CCDC146: variants seen among roughly 807,000 people sequenced by gnomAD.
CCDC146 encodes the protein coiled-coil domain-containing protein 146.
In CCDC146, 92 loss-of-function variants were observed where a neutral mutation model predicts 119.3. That is an observed-to-expected ratio of 0.77 (90% CI 0.65 to 0.92). The LOEUF (loss-of-function observed/expected upper bound fraction) is 0.92. Ranked by LOEUF, CCDC146 falls within the 40% of genes least tolerant of loss-of-function variation. The pLI, the probability that CCDC146 is intolerant of heterozygous loss-of-function variation, is 0.00. For missense variants in CCDC146, 1,000 were observed against 1,103.0 expected, an observed-to-expected ratio of 0.91 and a Z score of 1.32; for synonymous variants, 372 against 371.8, an observed-to-expected ratio of 1.00 and a Z score of -0.01.
chr7:77,148,732 G>A (rs945871644), intron 1 of CCDC146, among the ~76,000 whole-genome samples: 1 of 152,054 alleles, frequency 6.6e-6, no homozygotes, highest in African/African-American at 2.4e-5. Flanking sequence ...ATTCACAATT[G>A]CTTCAAAGAG....
intron 14 of CCDC146, 82 bp downstream of exon 14, chr7:77,280,735 A>G: frequency 1.1e-6 from 1 of 909,044 alleles, no homozygotes; most frequent in Non-Finnish European, 1.7e-6. Context: ...TTGACAGTGA[A>G]TAGTGAGGGA....
rs562164286 is a variant in CCDC146, at chr7:77,146,914, C to T, written c.-11-20744C>T. Among the ~76,000 whole-genome samples, 7 of 152,240 alleles carry T rather than the reference C, an allele frequency of 4.6e-5. No homozygotes were observed. The South Asian group carries it at 1.4e-3, about 32-fold the overall frequency. On this transcript the variant is annotated intron_variant, in intron 1 of 18. Coordinates refer to ENST00000285871, the MANE Select transcript of CCDC146 (RefSeq NM_020879.3). ...TGGAGTTGCTCCTCTCGAGGAGTAT[C>T]TTTGTGGCATTCTCTGTATTTCCTG...
intron 15 of CCDC146, among the ~76,000 whole-genome samples, chr7:77,286,291 A>G (rs1299928768): frequency 6.6e-6 from 1 of 152,186 alleles, no homozygotes; most frequent in Non-Finnish European, 1.5e-5. Context: ...ACTTGAATTC[A>G]TAGATTGAGA....
chr7:77,209,078 A>T (rs3095468), intron 2 of CCDC146, among the ~76,000 whole-genome samples: 67,683 of 152,004 alleles, frequency 0.45, 17,595 homozygotes, highest in African/African-American at 0.72. Flanking sequence ...CAATTCTGCC[A>T]TCCCAACAGT....
At chr7:77,226,341 A>G (rs574214828) in intron 2 of CCDC146, among the ~76,000 whole-genome samples, 4 of 152,350 alleles carry the variant, frequency 2.6e-5, no homozygotes, top group African/African-American at 9.6e-5. Context: ...AGAAGTCACA[A>G]GAACAGGGTA....
intron 15 of CCDC146, among the ~76,000 whole-genome samples, chr7:77,284,590 T>C (rs1487389242): frequency 2.6e-5 from 4 of 152,012 alleles, no homozygotes; most frequent in Admixed American, 2.6e-4. Flanking sequence ...ATTCTTTGTG[T>C]TCACTGCAAA....
intron 3 of CCDC146, 116 bp downstream of exon 3, chr7:77,237,145 T>G: frequency 1.2e-6 from 1 of 801,970 alleles, no homozygotes. Context: ...AGGATTTGCG[T>G]TCAGGGAGTT....
intron 1 of CCDC146, among the ~76,000 whole-genome samples, chr7:77,135,606 A>G (rs1790850889): frequency 6.6e-6 from 1 of 152,208 alleles, no homozygotes; most frequent in Non-Finnish European, 1.5e-5. Flanking sequence ...TTTGTTATGC[A>G]TTGTCTTGCT....
chr7:77,254,782 T>C (rs1793146433), intron 5 of CCDC146, among the ~76,000 whole-genome samples: 1 of 152,228 alleles, frequency 6.6e-6, no homozygotes. Flanking sequence ...TAATTTAGGC[T>C]GTATTTAGTT....
chr7:77,268,940 A>C (rs1409786488), intron 9 of CCDC146, among the ~76,000 whole-genome samples: 1 of 152,072 alleles, frequency 6.6e-6, no homozygotes, highest in Non-Finnish European at 1.5e-5. Flanking sequence ...TGCCTCCAGA[A>C]TTTTTACATT....
At chr7:77,245,186 T>G (rs1479452141) in intron 4 of CCDC146, among the ~76,000 whole-genome samples, 7 of 152,222 alleles carry the variant, frequency 4.6e-5, no homozygotes. Context: ...GTTTCTGGAT[T>G]AATATTTATG....
intron 2 of CCDC146, among the ~76,000 whole-genome samples, chr7:77,224,596 G>A (rs1045276665): frequency 6.6e-6 from 1 of 152,208 alleles, no homozygotes; most frequent in African/African-American, 2.4e-5. Flanking sequence ...GGATGCGGGA[G>A]ATTATTCTAC....
chr7:77,213,345 A>C (rs1007102746), intron 2 of CCDC146, among the ~76,000 whole-genome samples: 1 of 152,054 alleles, frequency 6.6e-6, no homozygotes, highest in Non-Finnish European at 1.5e-5. Context: ...CTCCCACCTC[A>C]GCCTCCCAAA....
At chr7:77,189,342 G>T (rs974660524) in intron 2 of CCDC146, among the ~76,000 whole-genome samples, 3 of 152,044 alleles carry the variant, frequency 2.0e-5, no homozygotes, top group Non-Finnish European at 4.4e-5. Context: ...CCTTTGATCA[G>T]CAAATTTTGT....
intron 1 of CCDC146, among the ~76,000 whole-genome samples, chr7:77,155,164 G>C (rs1791162649): frequency 6.6e-6 from 1 of 152,212 alleles, no homozygotes; most frequent in Non-Finnish European, 1.5e-5. Flanking sequence ...TAAACTTGCA[G>C]AATGACTGTA....
rs756815151 is a variant in CCDC146 at position 77,196,662 on chromosome 7, A to G, written c.156+28838A>G. 1.2e-6 allele frequency: 2 copies of G among 1,614,192 alleles called. No individual in the cohort carries two copies. The highest frequency in any genetic ancestry group is 3.3e-5 in the Admixed American group (2 of 60,036). ...ACATAAAACTGATCATACAAGGCAT[A>G]TAGTTCGACACCATTAAAGTCTTCA... On this transcript the variant is annotated intron_variant, in intron 2 of 18. Transcript: ENST00000285871. This position sits in a 1 kb window ranked among gnomAD's most constrained non-coding sequence, Gnocchi z 4.2.
At chr7:77,124,740 GT>G (rs2117379827) in intron 1 of CCDC146, among the ~76,000 whole-genome samples, 1 of 152,310 alleles carries the variant, frequency 6.6e-6, no homozygotes, top group East Asian at 1.9e-4. Context: ...GGAGTGTTAA[GT>G]TAGCACAAAA....
At position 77,248,806 on chromosome 7, in the gene CCDC146, A is replaced by G. The variant is rs959797024; in HGVS notation, c.450-5700A>G. Among the ~76,000 whole-genome samples the G allele has an allele frequency of 2.6e-5, 4 of 152,218 alleles. No homozygotes were observed. The East Asian group carries it at 7.7e-4, about 29-fold the overall frequency. Reference sequence around the variant, plus strand: ...GCAATTTCCAAAATGTCATTCTAGCATCGTGTCCTCTCATCTTATTAGTTA... The same window carrying G: ...GCAATTTCCAAAATGTCATTCTAGCGTCGTGTCCTCTCATCTTATTAGTTA... On this transcript the variant is annotated intron_variant, in intron 4 of 18. Coordinates refer to ENST00000285871, the MANE Select transcript of CCDC146 (RefSeq NM_020879.3).
chr7:77,246,545 T>C (rs571938859), intron 4 of CCDC146: 1 of 152,204 alleles, frequency 6.6e-6, no homozygotes, highest in South Asian at 2.1e-4. Flanking sequence ...AGTTAATACA[T>C]ACCAGGAGGC....
Sources: gnomAD v4.1 joint callset for allele counts (sites outside exome capture counted in the v4.1 genomes callset) on GRCh38, gnomAD v4.1.1 for gene constraint, Gnocchi (gnomAD v3.1) non-coding constraint, MANE v1.5 for transcripts, NCBI Gene and HGNC (gene_info 2026-07-23, HGNC 2026-07-21) for gene names.